LRP1B: variants seen among roughly 807,000 people sequenced by gnomAD.
LRP1B encodes low-density lipoprotein receptor-related protein 1B.
A neutral mutation model predicts 556.6 loss-of-function variants in LRP1B; 217 were observed. The observed-to-expected ratio is 0.39, with a 90% confidence interval of 0.35 to 0.44. The LOEUF is 0.44. Among genes scored for constraint, LRP1B ranks in the 20% least tolerant of loss-of-function variants. The pLI, the probability that LRP1B is intolerant of heterozygous loss-of-function variation, is 1.00. For synonymous variants in LRP1B, 2,047 were observed against 1,865.8 expected (o/e 1.10, Z -2.50); for missense variants, 5,053 against 5,620.8 (o/e 0.90, Z 3.23).
intron 1 of LRP1B, among the ~76,000 whole-genome samples, chr2:141,978,297 G>A (rs560530318): frequency 6.6e-6 from 1 of 152,086 alleles, no homozygotes; most frequent in South Asian, 2.1e-4. Flanking sequence ...TCAATTTTCA[G>A]TAAATTATAT....
intron 11 of LRP1B, among the ~76,000 whole-genome samples, chr2:141,043,007 C>G (rs1331786638): frequency 7.8e-6 from 1 of 128,436 alleles, no homozygotes; most frequent in East Asian, 2.3e-4. Context: ...GCTGGGGCAA[C>G]ATGGTGAAAG....
intron 3 of LRP1B, among the ~76,000 whole-genome samples, chr2:141,325,220 C>CACG (rs1687389325): frequency 6.6e-6 from 1 of 151,514 alleles, no homozygotes; most frequent in Admixed American, 6.6e-5. Context: ...TCAAATTATC[C>CACG]ACAAGGAAGA....
At chr2:141,060,455 T>C (rs1222435087) in intron 8 of LRP1B, among the ~76,000 whole-genome samples, 1 of 151,816 alleles carries the variant, frequency 6.6e-6, no homozygotes, top group Non-Finnish European at 1.5e-5. Context: ...AAAATATCTA[T>C]GGTCCAATTT....
At position 140,952,723 on chromosome 2, in the gene LRP1B, TA is replaced by T. The variant is rs1034813430; in HGVS notation, c.2888-784del. Among the ~76,000 whole-genome samples, 22 of 152,232 alleles carry T rather than the reference TA, an allele frequency of 1.4e-4. 1 individual carries two copies. Among genetic ancestry groups the T allele is most frequent in the African/African-American group, 4.6e-4 (19 of 41,552 alleles). ...AATCTAAAAGACAACACTGTCATAATAAAATCTGATAATCAAGGTGAATAGC... is the reference window on the plus strand; with the variant it reads ...AATCTAAAAGACAACACTGTCATAATAAATCTGATAATCAAGGTGAATAGC... On this transcript the variant is annotated intron_variant, in intron 18 of 90. Coordinates refer to ENST00000389484, the MANE Select transcript of LRP1B (RefSeq NM_018557.3).
intron 60 of LRP1B, among the ~76,000 whole-genome samples, chr2:140,460,610 A>G (rs1687279085): frequency 6.6e-6 from 1 of 152,210 alleles, no homozygotes; most frequent in Non-Finnish European, 1.5e-5. Context: ...TGAAAAGTAC[A>G]TTTAATAAAT....
chr2:141,769,422 C>T (rs1694828852), intron 2 of LRP1B, among the ~76,000 whole-genome samples: 1 of 152,154 alleles, frequency 6.6e-6, no homozygotes, highest in Non-Finnish European at 1.5e-5. Flanking sequence ...AAAAAGTCAA[C>T]AGATATTTGC....
At chr2:141,379,572 T>C (rs970174291) in intron 3 of LRP1B, among the ~76,000 whole-genome samples, 2 of 152,088 alleles carry the variant, frequency 1.3e-5, no homozygotes, top group Non-Finnish European at 2.9e-5. Context: ...ATCATAAACC[T>C]CACCCTCAGC....
chr2:141,324,139 C>T (rs1443937029), intron 3 of LRP1B, among the ~76,000 whole-genome samples: 1 of 149,604 alleles, frequency 6.7e-6, no homozygotes, highest in Non-Finnish European at 1.5e-5. Context: ...CACATACACA[C>T]CTGAACAAGG....
chr2:141,638,042 A>G (rs574009460), intron 2 of LRP1B, among the ~76,000 whole-genome samples: 26 of 152,262 alleles, frequency 1.7e-4, no homozygotes, highest in African/African-American at 6.0e-4. Flanking sequence ...CTCTACAAAA[A>G]ATACAAAAAA....
At chr2:141,823,183 T>C (rs1696810404) in intron 1 of LRP1B, among the ~76,000 whole-genome samples, 1 of 152,020 alleles carries the variant, frequency 6.6e-6, no homozygotes, top group African/African-American at 2.4e-5. Flanking sequence ...ACAACTGAGA[T>C]AAAGAGTTAT....
chr2:140,431,278 T>G (rs1685927751), intron 66 of LRP1B, among the ~76,000 whole-genome samples: 1 of 152,156 alleles, frequency 6.6e-6, no homozygotes, highest in South Asian at 2.1e-4. Flanking sequence ...ACAATACTTT[T>G]ACCACTTTCC....
At position 142,129,584 on chromosome 2, in the gene LRP1B, TTCTCTCTCTCTCTCTCTCTCTC is replaced by T. The variant is rs56034357; in HGVS notation, c.82+1042_82+1063del. Among the ~76,000 whole-genome samples the T allele has an allele frequency of 6.9e-3, 925 of 134,828 alleles. 9 individuals carry two copies. The highest frequency in any genetic ancestry group is 0.021 in the Middle Eastern group (5 of 242). The allele number at this position is 134,828 out of a possible 152,430, so 88.5% of individuals were successfully genotyped here. Reference sequence around the variant, plus strand: ...TTGGGATCTGGGTTTCTTTCTCTCTTTCTCTCTCTCTCTCTCTCTCTCTCTCTCTCTCTCTCTCTCTCTCTCT... The same window carrying T: ...TTGGGATCTGGGTTTCTTTCTCTCTTTCTCTCTCTCTCTCTCTCTCTCTCT... On this transcript the variant is annotated intron_variant, in intron 1 of 90. Coordinates refer to ENST00000389484, the MANE Select transcript of LRP1B (RefSeq NM_018557.3).
At chr2:140,763,299 G>A (rs1482000916) in intron 35 of LRP1B, among the ~76,000 whole-genome samples, 1 of 152,002 alleles carries the variant, frequency 6.6e-6, no homozygotes, top group Non-Finnish European at 1.5e-5. Flanking sequence ...AGAAGAGTGG[G>A]GAGAAAGAGT....
chr2:141,008,646 T>C (rs1697649904), intron 14 of LRP1B, among the ~76,000 whole-genome samples: 1 of 151,882 alleles, frequency 6.6e-6, no homozygotes, highest in African/African-American at 2.4e-5. Flanking sequence ...GAAGGCCTTC[T>C]GGCTTCATCA....
chr2:141,071,778 C>T (rs1051878845), intron 7 of LRP1B, among the ~76,000 whole-genome samples: 1 of 152,106 alleles, frequency 6.6e-6, no homozygotes, highest in East Asian at 1.9e-4. Flanking sequence ...AATAAAATAC[C>T]TAGGAATCTA....
chr2:140,592,067 T>G (rs539744322), intron 43 of LRP1B, among the ~76,000 whole-genome samples: 2 of 152,286 alleles, frequency 1.3e-5, no homozygotes, highest in African/African-American at 4.8e-5. Context: ...CTTTGATCAT[T>G]TAGTGTGTAC....
At chr2:140,426,193 A>T (rs576103752) in intron 66 of LRP1B, among the ~76,000 whole-genome samples, 1 of 152,238 alleles carries the variant, frequency 6.6e-6, no homozygotes, top group African/African-American at 2.4e-5. Context: ...TAGTTCTTCA[A>T]TTTCTCATTT....
At chr2:141,980,287 C>A (rs138288369) in intron 1 of LRP1B, among the ~76,000 whole-genome samples, 2 of 152,160 alleles carry the variant, frequency 1.3e-5, no homozygotes, top group Admixed American at 6.6e-5. Flanking sequence ...TTCCCGACTG[C>A]CTGATAGAGG....
intron 5 of LRP1B, among the ~76,000 whole-genome samples, chr2:141,231,563 G>C (rs1195025385): frequency 6.6e-6 from 1 of 152,086 alleles, no homozygotes; most frequent in Non-Finnish European, 1.5e-5. Flanking sequence ...GGAAAAGCAT[G>C]CAGCTTATAT....
Sources: allele counts gnomAD v4.1 joint callset (sites outside exome capture counted in the v4.1 genomes callset), GRCh38; gene constraint gnomAD v4.1.1; transcripts MANE v1.5; gene names NCBI Gene and HGNC (gene_info 2026-07-23, HGNC 2026-07-21).